The following MYO7B variants were observed in gnomAD, a reference collection of about 807,000 sequenced individuals.
The protein encoded by MYO7B is myosin VIIB.
In MYO7B, 212 loss-of-function variants were observed where a neutral mutation model predicts 259.7. The observed-to-expected ratio is 0.82, with a 90% CI of 0.73 to 0.91. MYO7B has a LOEUF of 0.91. MYO7B is among the 40% of genes least tolerant of loss of function. The pLI is 0.00. For missense variants in MYO7B, 2,732 were observed against 2,813.5 expected, an observed-to-expected ratio of 0.97 and a Z score of 0.66; for synonymous variants, 1,197 against 1,166.4, an observed-to-expected ratio of 1.03 and a Z score of -0.54.
At chr2:127,565,445 C>T in intron 4 of MYO7B, 60 bp downstream of exon 4, 4 of 1,589,916 alleles carry the variant, frequency 2.5e-6, no homozygotes, top group Non-Finnish European at 3.4e-6. Context: ...ACCTCCTGGA[C>T]AGGGAGAAGA....
intron 16 of MYO7B, among the ~76,000 whole-genome samples, 195 bp from the exon 17 acceptor site, chr2:127,592,599 T>C (rs1046159188): frequency 6.8e-6 from 1 of 147,474 alleles, no homozygotes; most frequent in Non-Finnish European, 1.5e-5. Flanking sequence ...TGCACTACTC[T>C]CTTCAAAATG....
chr2:127,579,463 A>G (rs1220164067), intron 9 of MYO7B, among the ~76,000 whole-genome samples: 1 of 152,190 alleles, frequency 6.6e-6, no homozygotes, highest in African/African-American at 2.4e-5. Context: ...CGGCCAGGGA[A>G]AGGTGGGTGC....
chr2:127,541,771 C>G (rs2104791167), intron 1 of MYO7B, among the ~76,000 whole-genome samples: 1 of 152,344 alleles, frequency 6.6e-6, no homozygotes, highest in Non-Finnish European at 1.5e-5. Flanking sequence ...CAGAGCCCTT[C>G]TGGGAGGAGA....
At chr2:127,573,709 A>G (rs1357137093) in intron 6 of MYO7B, among the ~76,000 whole-genome samples, 2 of 151,540 alleles carry the variant, frequency 1.3e-5, no homozygotes, top group Non-Finnish European at 2.9e-5. Context: ...CTGCAAGCAC[A>G]CTCCATGCTT....
In MYO7B at chr2:127,634,235, G is replaced by T; in HGVS notation, c.5571G>T (p.Arg1857Ser). Residue 1857 changes from arginine (R) to serine (S), a missense_variant, in exon 41 of 48, where the codon AGG (arginine) becomes AGT (serine). Arg to Ser is a moderately radical substitution (Grantham distance 110). Coordinates refer to ENST00000409816, the MANE Select transcript of MYO7B (RefSeq NM_001393586.1). Reference sequence around the variant, plus strand: ...ATGTGTGTGACAGCATTGCCACCAGGCTGCAGCTGGCCTCCTGGGAGGGCT... The same window carrying T: ...ATGTGTGTGACAGCATTGCCACCAGTCTGCAGCTGGCCTCCTGGGAGGGCT... The part of the protein sequence containing the change: ...VRDVCDSIAT[R>S]LQLASWEGCS... 6.3e-7 allele frequency: 1 copy of T among 1,595,948 alleles called. No homozygotes were observed. Among genetic ancestry groups the T allele is most frequent in the Admixed American group, 1.8e-5 (1 of 54,466 alleles).
chr2:127,559,630 C>T lies in MYO7B; in HGVS notation c.-23-70C>T, dbSNP rs984015831. 1.4e-6 allele frequency: 2 copies of T among 1,464,072 alleles called. No homozygotes were observed. Among genetic ancestry groups the T allele is most frequent in the Non-Finnish European group, 1.9e-6 (2 of 1,044,496 alleles). 90.7% of individuals were successfully genotyped at this position (1,464,072 alleles called of 1,614,324 possible). Reference sequence around the variant, plus strand: ...GGGAAGTGTTGGTGAACAAGCCCAGCTCCTGTGCTCCAGGGGCTCCTATTG... The same window carrying T: ...GGGAAGTGTTGGTGAACAAGCCCAGTTCCTGTGCTCCAGGGGCTCCTATTG... On this transcript the variant is annotated intron_variant, in intron 1 of 47. Transcript: ENST00000409816. This position sits in a 1 kb window ranked among gnomAD's most constrained non-coding sequence, Gnocchi z 4.1.
At chr2:127,602,683 A>C (rs1680008275) in intron 19 of MYO7B, among the ~76,000 whole-genome samples, 1 of 151,796 alleles carries the variant, frequency 6.6e-6, no homozygotes, top group South Asian at 2.1e-4. Flanking sequence ...AACAACAACA[A>C]CACTTTCTTT....
At chr2:127,608,943 AACTCAGT>A in intron 22 of MYO7B, 65 bp downstream of exon 22, 1 of 1,541,862 alleles carries the variant, frequency 6.5e-7, no homozygotes, top group Non-Finnish European at 8.8e-7. Flanking sequence ...CCAGTCCGTG[AACTCAGT>A]CCACCTCTCG....
At chr2:127,635,366 CCT>C (rs1445585291) in intron 43 of MYO7B, 140 bp downstream of exon 43, 2 of 780,828 alleles carry the variant, frequency 2.6e-6, no homozygotes, top group African/African-American at 1.7e-5. Flanking sequence ...AGACCAAGCC[CCT>C]GAGGGCTCTG....
chr2:127,618,246 G>A (rs13393706), intron 26 of MYO7B, among the ~76,000 whole-genome samples: 3 of 152,084 alleles, frequency 2.0e-5, no homozygotes, highest in East Asian at 1.9e-4. Context: ...CCGTCATTAC[G>A]AGACGGAACG....
intron 19 of MYO7B, among the ~76,000 whole-genome samples, chr2:127,604,443 A>T (rs1262348823): frequency 6.6e-6 from 1 of 152,192 alleles, no homozygotes; most frequent in Non-Finnish European, 1.5e-5. Flanking sequence ...GTCCACGAAA[A>T]CTGTCTCCAT....
In MYO7B at chr2:127,586,234, T is replaced by C. The variant is rs186714133; in HGVS notation, c.1690+1321T>C. 1.0e-3 allele frequency among the ~76,000 whole-genome samples: 159 copies of C among 152,298 alleles called. 1 individual carries two copies. Among genetic ancestry groups the C allele is most frequent in the African/African-American group, 3.6e-3 (149 of 41,564 alleles). On this transcript the variant is annotated intron_variant, in intron 14 of 47. Transcript: ENST00000409816. The surrounding 1 kb of genome is among the most constrained non-coding windows in gnomAD (Gnocchi z 4.8). ...CATTTTGAGTTAATTTTGGGATATG[T>C]TGAGAGAGGATCGGTAATGGTTTTG... is the stretch of plus-strand genomic sequence containing the variant.
In MYO7B at chr2:127,607,817, C is replaced by T. The variant is rs1680216720; in HGVS notation, c.2643+393C>T. Reference sequence around the variant, plus strand: ...TAGCCTTGAACCTGGAAGGTGAGCTCAGGTCCCCTCCCTTTCACCTTGGAG... The same window carrying T: ...TAGCCTTGAACCTGGAAGGTGAGCTTAGGTCCCCTCCCTTTCACCTTGGAG... On this transcript the variant is annotated intron_variant, in intron 21 of 47. Transcript: ENST00000409816. The surrounding 1 kb of genome is among the most constrained non-coding windows in gnomAD (Gnocchi z 4.4). Among the ~76,000 whole-genome samples the T allele has an allele frequency of 6.6e-6, 1 of 152,176 alleles. No individual in the cohort carries two copies. The highest frequency in any genetic ancestry group is 1.5e-5 in the Non-Finnish European group (1 of 68,026).
Position 127,565,243 on chromosome 2 carries a change from T to C in MYO7B, c.143T>C (p.Ile48Thr). ...VEDDEGKEHW[I>T]RAEDFGVLSP... Reference sequence around the variant, plus strand: ...CACCCATTGTTCCAGGAACACTGGATCCGAGCAGAGGACTTTGGTGTCCTC... The same window carrying C: ...CACCCATTGTTCCAGGAACACTGGACCCGAGCAGAGGACTTTGGTGTCCTC... The change falls in exon 4 of 48, where the codon ATC (isoleucine) becomes ACC (threonine). Residue 48 changes from isoleucine to threonine, a missense_variant. Ile to Thr is a moderately conservative substitution (Grantham distance 89). Coordinates refer to ENST00000409816, the MANE Select transcript of MYO7B (RefSeq NM_001393586.1). 1 of 1,613,664 alleles carries C rather than the reference T, an allele frequency of 6.2e-7. No individual in the cohort carries two copies.
At chr2:127,564,597 A>C (rs1281097496) in intron 3 of MYO7B, among the ~76,000 whole-genome samples, 3 of 152,192 alleles carry the variant, frequency 2.0e-5, no homozygotes, top group Non-Finnish European at 4.4e-5. Context: ...TGCACAAGTA[A>C]GAGGCCAGCA....
chr2:127,559,033 G>A lies in MYO7B; in HGVS notation c.-23-667G>A, dbSNP rs934199299. ...TGGTACCCACCTTGCACTGCTCAGC[G>A]CAGGGAGGGGAAGCTGCCAACACTC... On this transcript the variant is annotated intron_variant, in intron 1 of 47. Transcript: ENST00000409816. This position sits in a 1 kb window ranked among gnomAD's most constrained non-coding sequence, Gnocchi z 4.1. 2.0e-5 allele frequency among the ~76,000 whole-genome samples: 3 copies of A among 152,190 alleles called. No individual in the cohort carries two copies. The highest frequency in any genetic ancestry group is 7.2e-5 in the African/African-American group (3 of 41,448).
Position 127,620,457 on chromosome 2 carries a change from G to T in MYO7B, c.3516G>T (p.Arg1172Ser), listed in dbSNP as rs777356258. The change falls in exon 27 of 48, where the codon AGG (arginine) becomes AGT (serine). Residue 1172 changes from arginine (R) to serine (S), a missense_variant. This residue lies in a region of MYO7B where 1,906 missense variants were observed against 2,026.4 expected (regional missense o/e 0.94). Transcript: ENST00000409816. ...TCGGCTGCTTCCCACCCTCAGAGAGGTTCATGAAGGTGAGAGGGTTCATGA... is the reference window on the plus strand; with the variant it reads ...TCGGCTGCTTCCCACCCTCAGAGAGTTTCATGAAGGTGAGAGGGTTCATGA... ...LCLGCFPPSE[R>S]FMKYLLNFIG... 49 of 1,099,244 alleles carry T rather than the reference G, an allele frequency of 4.5e-5. No homozygotes were observed. Among genetic ancestry groups the T allele is most frequent in the Non-Finnish European group, 3.7e-5 (29 of 784,826 alleles). 68.1% of individuals were successfully genotyped at this position (1,099,244 alleles called of 1,614,324 possible). A position where few individuals can be genotyped will look rare whatever the true frequency, so the allele number is the denominator to read the frequency against.
At chr2:127,610,071 AG>A in intron 24 of MYO7B, 55 bp downstream of exon 24, 3 of 1,583,544 alleles carry the variant, frequency 1.9e-6, no homozygotes, top group Non-Finnish European at 2.6e-6. Flanking sequence ...GGTGCCTACC[AG>A]GGCCCAGTCC....
intron 9 of MYO7B, 52 bp downstream of exon 9, chr2:127,578,338 A>T: frequency 6.2e-7 from 1 of 1,607,274 alleles, no homozygotes; most frequent in Non-Finnish European, 8.5e-7. Flanking sequence ...AGGGAAGGGG[A>T]CAGGAGCAGG....
Sources: allele counts gnomAD v4.1 joint callset (sites outside exome capture counted in the v4.1 genomes callset), GRCh38; gene constraint gnomAD v4.1.1; regional missense constraint gnomAD v4.1.1; non-coding constraint Gnocchi (gnomAD v3.1); transcripts MANE v1.5; gene names NCBI Gene and HGNC (gene_info 2026-07-23, HGNC 2026-07-21).